Variants in ALG11 observed in about 807,000 individuals in gnomAD.
ALG11 encodes GDP-Man:Man(3)GlcNAc(2)-PP-Dol alpha-1,2-mannosyltransferase.
In ALG11, 26 loss-of-function variants were observed where a neutral mutation model predicts 38.8. That is an observed-to-expected ratio of 0.67 (90% CI 0.49 to 0.93). The LOEUF (loss-of-function observed/expected upper bound fraction) is 0.93. Ranked by LOEUF, ALG11 falls within the 40% of genes least tolerant of loss-of-function variation. ALG11 has a pLI of 0.00. For missense variants in ALG11, 535 were observed against 578.8 expected (o/e 0.92, Z 0.78); for synonymous variants, 199 against 211.6 (o/e 0.94, Z 0.52).
At chr13:52,014,956 G>A (rs571016088) in intron 1 of ALG11, among the ~76,000 whole-genome samples, 1 of 152,284 alleles carries the variant, frequency 6.6e-6, no homozygotes, top group East Asian at 1.9e-4. Context: ...GAAATAAAGT[G>A]CTCATGTGGG....
In ALG11 at chr13:52,029,811, T is replaced by C; in HGVS notation, c.*1221T>C. The C allele has an allele frequency of 2.5e-6, 4 of 1,613,994 alleles. No individual in the cohort carries two copies. The highest frequency in any genetic ancestry group is 3.4e-6 in the Non-Finnish European group (4 of 1,180,024). On this transcript the variant is annotated 3_prime_UTR_variant, in exon 4 of 4. Transcript: ENST00000521508. ...AAGAACAAAGAACTGACACAGAAAC[T>C]CCAGGTAGCCTCTGAGAGTGAGGAA... is the stretch of plus-strand genomic sequence containing the variant.
Position 52,031,255 on chromosome 13 carries a change from T to A in ALG11, c.*2665T>A. 8.7e-7 allele frequency: 1 copy of A among 1,154,832 alleles called. No individual in the cohort carries two copies. Among genetic ancestry groups the A allele is most frequent in the Non-Finnish European group, 1.2e-6 (1 of 833,792 alleles). The allele number at this position is 1,154,832 out of a possible 1,614,324, so 71.5% of individuals were successfully genotyped here. A position where few individuals can be genotyped will look rare whatever the true frequency, so the allele number is the denominator to read the frequency against. The stretch of plus-strand genomic sequence containing the variant: ...TTAAAAAAAGAAAATGGATGACCAT[T>A]AATTGACTAGCATTTTAGAATTGAT... On this transcript the variant is annotated 3_prime_UTR_variant, in exon 4 of 4. Transcript: ENST00000521508.
chr13:52,030,318 G>C lies in ALG11; in HGVS notation c.*1728G>C, dbSNP rs2140852139. The C allele has an allele frequency of 6.2e-7, 1 of 1,614,200 alleles. No individual in the cohort carries two copies. Among genetic ancestry groups the C allele is most frequent in the Middle Eastern group, 1.6e-4 (1 of 6,062 alleles). On this transcript the variant is annotated 3_prime_UTR_variant, in exon 4 of 4. Coordinates refer to ENST00000521508, the MANE Select transcript of ALG11 (RefSeq NM_001004127.3). ...CCCCTATTGCTACAGAGGTCAGAGAGAGTACAAACTCTGGAAGAGCTAGAA... is the reference window on the plus strand; with the variant it reads ...CCCCTATTGCTACAGAGGTCAGAGACAGTACAAACTCTGGAAGAGCTAGAA...
In ALG11 at chr13:52,030,285, A is replaced by C. The variant is rs752706767; in HGVS notation, c.*1695A>C. The C allele has an allele frequency of 1.2e-6, 2 of 1,614,214 alleles. No individual in the cohort carries two copies. Among genetic ancestry groups the C allele is most frequent in the South Asian group, 1.1e-5 (1 of 91,086 alleles). On this transcript the variant is annotated 3_prime_UTR_variant, in exon 4 of 4. Coordinates refer to ENST00000521508, the MANE Select transcript of ALG11 (RefSeq NM_001004127.3). Reference sequence around the variant, plus strand: ...CAGAGAGAGGAACCTGCCCCAGAAGAAGCGGAACCCCTATTGCTACAGAGG... The same window carrying C: ...CAGAGAGAGGAACCTGCCCCAGAAGCAGCGGAACCCCTATTGCTACAGAGG...
chr13:52,012,820 C>G (rs1208417473), intron 1 of ALG11, among the ~76,000 whole-genome samples: 1 of 152,010 alleles, frequency 6.6e-6, no homozygotes, highest in African/African-American at 2.4e-5. Flanking sequence ...ATTTTCCAAT[C>G]TATCATGTCT....
chr13:52,028,471 T>C lies in ALG11; in HGVS notation c.1360T>C (p.Ser454Pro), dbSNP rs1954263712. 2 of 1,614,062 alleles carry C rather than the reference T, an allele frequency of 1.2e-6. No homozygotes were observed. The highest frequency in any genetic ancestry group is 8.5e-7 in the Non-Finnish European group (1 of 1,180,044). The change falls in exon 4 of 4, where the codon TCC becomes CCC. Residue 454 changes from serine to proline, a missense_variant. By Grantham distance (74) the Ser-to-Pro change is moderately conservative. Transcript: ENST00000521508. ...TGCTGAAACTATCGCTCACATTCTT[T>C]CCATGTCTGCAGAAAAGAGACTCCA... Reference protein sequence around the residue: ...DYAETIAHILSMSAEKRLQIR... With the variant: ...DYAETIAHILPMSAEKRLQIR...
chr13:52,029,089 T>G lies in ALG11; in HGVS notation c.*499T>G. 6.2e-7 allele frequency: 1 copy of G among 1,614,246 alleles called. No homozygotes were observed. The highest frequency in any genetic ancestry group is 1.1e-5 in the South Asian group (1 of 91,088). ...CAGATCTGCTTGAGCCCGTTAAAAC[T>G]TCATCTTCTTTGGCCACTGTAAAAA... On this transcript the variant is annotated 3_prime_UTR_variant, in exon 4 of 4. Coordinates refer to ENST00000521508, the MANE Select transcript of ALG11 (RefSeq NM_001004127.3).
Position 52,031,021 on chromosome 13 carries a change from G to A in ALG11, c.*2431G>A, listed in dbSNP as rs1411891524. ...TAAAAGCAGAGGATGTGGGCTACCA[G>A]TCTTCCTCAAGGTCAGACCTGCCTG... On this transcript the variant is annotated 3_prime_UTR_variant, in exon 4 of 4. Transcript: ENST00000521508. 4 of 1,614,062 alleles carry A rather than the reference G, an allele frequency of 2.5e-6. No homozygotes were observed. The highest frequency in any genetic ancestry group is 1.1e-5 in the South Asian group (1 of 91,084).
chr13:52,030,258 T>G lies in ALG11; in HGVS notation c.*1668T>G. ...AGTTCAGAGGGGACTGTTCCCCAGG[T>G]CCAGAGAGAGGAACCTGCCCCAGAA... On this transcript the variant is annotated 3_prime_UTR_variant, in exon 4 of 4. Transcript: ENST00000521508. 6.2e-7 allele frequency: 1 copy of G among 1,614,084 alleles called. No homozygotes were observed. The highest frequency in any genetic ancestry group is 8.5e-7 in the Non-Finnish European group (1 of 1,180,026).
intron 1 of ALG11, among the ~76,000 whole-genome samples, chr13:52,014,988 C>T (rs1954123134): frequency 6.6e-6 from 1 of 152,084 alleles, no homozygotes; most frequent in Non-Finnish European, 1.5e-5. Context: ...AGTCAAATAC[C>T]TCTTCAAGTA....
chr13:52,013,019 C>T (rs992480299), intron 1 of ALG11, among the ~76,000 whole-genome samples: 8 of 152,098 alleles, frequency 5.3e-5, no homozygotes, highest in African/African-American at 1.7e-4. Context: ...ATTTGTATTA[C>T]GTGTATATGC....
In ALG11 at chr13:52,028,710, T is replaced by C. The variant is rs1404097456; in HGVS notation, c.*120T>C. On this transcript the variant is annotated 3_prime_UTR_variant, in exon 4 of 4. Coordinates refer to ENST00000521508, the MANE Select transcript of ALG11 (RefSeq NM_001004127.3). ...ATTTTACTTTAGAAAACAGACAAAATTTCCTTTTAGAATAAAAGGAAGTGT... is the reference window on the plus strand; with the variant it reads ...ATTTTACTTTAGAAAACAGACAAAACTTCCTTTTAGAATAAAAGGAAGTGT... The C allele has an allele frequency of 6.3e-7, 1 of 1,578,994 alleles. No homozygotes were observed. The highest frequency in any genetic ancestry group is 2.3e-5 in the East Asian group (1 of 43,928).
chr13:52,030,512 G>T lies in ALG11; in HGVS notation c.*1922G>T. ...CTTCCTGACCACACAGTCTCCTTCC[G>T]TGAGGTCTTTGGCAGTTCCCACAAT... On this transcript the variant is annotated 3_prime_UTR_variant, in exon 4 of 4. Transcript: ENST00000521508. 2 of 1,614,200 alleles carry T rather than the reference G, an allele frequency of 1.2e-6. No individual in the cohort carries two copies. The highest frequency in any genetic ancestry group is 1.7e-6 in the Non-Finnish European group (2 of 1,180,042).
chr13:52,024,845 TTAAAA>T lies in ALG11; in HGVS notation c.1120_1124del (p.Ile374HisfsTer4), dbSNP rs1566706706. The T allele has an allele frequency of 1.9e-6, 3 of 1,613,908 alleles. No homozygotes were observed. Among genetic ancestry groups the T allele is most frequent in the Non-Finnish European group, 1.7e-6 (2 of 1,179,812 alleles). On this transcript the variant is annotated frameshift_variant, in exon 3 of 4. Transcript: ENST00000521508. LOFTEE classifies it high-confidence loss of function. ...TTAGGAGTTCAAGAATATGTGGAAT[TTAAAA>T]TAAACATTCCATTTGATGAATTAAA...
chr13:52,021,407 GAA>G (rs1954182613), intron 2 of ALG11: 1 of 152,178 alleles, frequency 6.6e-6, no homozygotes, highest in Admixed American at 6.5e-5. Flanking sequence ...GTGAAAATGA[GAA>G]AAGAGAATTC....
intron 1 of ALG11, among the ~76,000 whole-genome samples, chr13:52,018,707 T>G (rs1260834961): frequency 1.3e-5 from 2 of 152,238 alleles, no homozygotes; most frequent in Admixed American, 6.5e-5. Context: ...CTACAGGAAT[T>G]GGAACTAAAG....
Position 52,012,446 on chromosome 13 carries a change from C to G in ALG11, c.28C>G (p.Leu10Val), listed in dbSNP as rs761198692. Residue 10 changes from leucine (L) to valine (V), a missense_variant, in exon 1 of 4, where the codon CTG becomes GTG. Leu to Val is a conservative substitution (Grantham distance 32, BLOSUM62 1). Coordinates refer to ENST00000521508, the MANE Select transcript of ALG11 (RefSeq NM_001004127.3). The part of the protein sequence containing the change: MAAGERSWC[L>V]CKLLRFFYSL... ...GGCGGCCGGCGAAAGGAGCTGGTGC[C>G]TGTGCAAGTTGTTGAGGTGAGCAGC... 6 of 1,614,110 alleles carry G rather than the reference C, an allele frequency of 3.7e-6. No homozygotes were observed. The highest frequency in any genetic ancestry group is 1.7e-5 in the Admixed American group (1 of 60,032).
At position 52,012,398 on chromosome 13, in the gene ALG11, G is replaced by C. The variant is rs1566692974; in HGVS notation, c.-21G>C. On this transcript the variant is annotated 5_prime_UTR_variant, in exon 1 of 4. Transcript: ENST00000521508. Reference sequence around the variant, plus strand: ...GGAAAAGGAAAGTGAAGCGTTTCCTGAGTTCGGGGGTCGGCGGAAGATGGC... The same window carrying C: ...GGAAAAGGAAAGTGAAGCGTTTCCTCAGTTCGGGGGTCGGCGGAAGATGGC... 1.9e-6 allele frequency: 3 copies of C among 1,614,162 alleles called. No individual in the cohort carries two copies. The highest frequency in any genetic ancestry group is 3.3e-5 in the Admixed American group (2 of 60,036).
At position 52,029,592 on chromosome 13, in the gene ALG11, C is replaced by T. The variant is rs944928699; in HGVS notation, c.*1002C>T. On this transcript the variant is annotated 3_prime_UTR_variant, in exon 4 of 4. Coordinates refer to ENST00000521508, the MANE Select transcript of ALG11 (RefSeq NM_001004127.3). ...GTGAAGAAAGGAAAGGCCAAGAAAG[C>T]CTTAAAAGAGTTTGAGCAGCTACAG... 1.2e-6 allele frequency: 2 copies of T among 1,614,074 alleles called. No individual in the cohort carries two copies. The highest frequency in any genetic ancestry group is 3.3e-5 in the Admixed American group (2 of 60,010).
Sources: allele counts gnomAD v4.1 joint callset (sites outside exome capture counted in the v4.1 genomes callset), GRCh38; gene constraint gnomAD v4.1.1; transcripts MANE v1.5; gene names NCBI Gene and HGNC (gene_info 2026-07-23, HGNC 2026-07-21).